The following CEP85L variants were observed in gnomAD, a reference collection of about 807,000 sequenced individuals.
The protein encoded by CEP85L is centrosomal protein of 85 kDa-like.
CEP85L carries 60 observed loss-of-function variants against 100.3 expected under a neutral mutation model. The observed-to-expected ratio is 0.60, with a 90% confidence interval of 0.49 to 0.74. The LOEUF (loss-of-function observed/expected upper bound fraction) is 0.74, where lower values mean the gene tolerates loss of function less well. Ranked by LOEUF, CEP85L falls within the 30% of genes least tolerant of loss-of-function variation. CEP85L has a pLI of 0.00. For missense variants in CEP85L, 973 were observed against 936.2 expected (o/e 1.04, Z -0.51); for synonymous variants, 319 against 322.7 (o/e 0.99, Z 0.12).
chr6:118,670,182 CT>C (rs1462059096), intron 1 of CEP85L, among the ~76,000 whole-genome samples: 1 of 150,238 alleles, frequency 6.7e-6, no homozygotes, highest in East Asian at 1.9e-4. Context: ...GTGTGACTTG[CT>C]TTGACTGAAG....
chr6:118,613,968 G>A (rs1195380235), intron 2 of CEP85L, among the ~76,000 whole-genome samples: 2 of 151,908 alleles, frequency 1.3e-5, no homozygotes, highest in African/African-American at 2.4e-5. Flanking sequence ...ATCGATACAC[G>A]AAAACAATCC....
intron 6 of CEP85L, among the ~76,000 whole-genome samples, chr6:118,486,688 T>G (rs184381549): frequency 4.6e-3 from 700 of 152,182 alleles, no homozygotes; most frequent in Non-Finnish European, 7.3e-3. Context: ...ATCTATCCCC[T>G]CTCCTCAAAT....
chr6:118,654,280 C>T (rs890705668), upstream of CEP85L, among the ~76,000 whole-genome samples: 3 of 151,610 alleles, frequency 2.0e-5, no homozygotes, highest in African/African-American at 7.3e-5. Flanking sequence ...AACCCTGCCT[C>T]TAAAAAATAA....
intron 2 of CEP85L, among the ~76,000 whole-genome samples, chr6:118,630,616 C>T (rs1200058343): frequency 6.6e-6 from 1 of 152,194 alleles, no homozygotes; most frequent in Non-Finnish European, 1.5e-5. Context: ...AGCAAATGAG[C>T]CATCAAGCCA....
At position 118,555,983 on chromosome 6, in the gene CEP85L, A is replaced by C. The variant is rs558104959; in HGVS notation, c.1020+9546T>G. ...ATGTTCCCGCAAAAGACATGATATC[A>C]TTCTTTTTTATGGCTGCATAGTATT... On this transcript the variant is annotated intron_variant, in intron 3 of 12. Transcript: ENST00000368491. 6.6e-5 allele frequency among the ~76,000 whole-genome samples: 10 copies of C among 152,308 alleles called. No individual in the cohort carries two copies. The South Asian group carries it at 1.0e-3, about 16-fold the overall frequency.
At chr6:118,512,262 T>A (rs1360571831) in intron 4 of CEP85L, among the ~76,000 whole-genome samples, 2 of 152,138 alleles carry the variant, frequency 1.3e-5, no homozygotes, top group Non-Finnish European at 2.9e-5. Context: ...CCAAGGCAGC[T>A]GTAGTTAGTT....
At chr6:118,614,125 A>G (rs1023805428) in intron 2 of CEP85L, among the ~76,000 whole-genome samples, 2 of 152,232 alleles carry the variant, frequency 1.3e-5, no homozygotes, top group Non-Finnish European at 2.9e-5. Context: ...ACTAAAGAAG[A>G]AAATCATAAA....
At chr6:118,513,824 G>GA (rs887584581) in intron 4 of CEP85L, among the ~76,000 whole-genome samples, 2 of 151,864 alleles carry the variant, frequency 1.3e-5, no homozygotes, top group Non-Finnish European at 2.9e-5. Flanking sequence ...ACAAAAGAAA[G>GA]AAGAATACCA....
At chr6:118,579,409 T>C (rs2115066132) in intron 2 of CEP85L, among the ~76,000 whole-genome samples, 1 of 151,870 alleles carries the variant, frequency 6.6e-6, no homozygotes, top group East Asian at 1.9e-4. Context: ...CAAAAAAAAT[T>C]AGAATTTTTT....
chr6:118,678,201 A>G (rs1013251035), intron 1 of CEP85L, among the ~76,000 whole-genome samples: 4 of 152,232 alleles, frequency 2.6e-5, no homozygotes, highest in Admixed American at 6.5e-5. Context: ...TCCAGCCCCA[A>G]TAAAGGTTGC....
intron 4 of CEP85L, 127 bp downstream of exon 4, chr6:118,523,675 A>G: frequency 2.1e-6 from 1 of 485,070 alleles, no homozygotes. Flanking sequence ...GGAGGGGCAG[A>G]GATGTGACAT....
chr6:118,682,014 G>A (rs1036550851), intron 1 of CEP85L, among the ~76,000 whole-genome samples: 1 of 152,146 alleles, frequency 6.6e-6, no homozygotes, highest in Non-Finnish European at 1.5e-5. Flanking sequence ...TTACAGGCGT[G>A]AGCCTGGGAT....
At chr6:118,514,643 G>A (rs1466410778) in intron 4 of CEP85L, among the ~76,000 whole-genome samples, 4 of 151,816 alleles carry the variant, frequency 2.6e-5, no homozygotes, top group Non-Finnish European at 5.9e-5. Flanking sequence ...GACATTGGCA[G>A]AATGGATAAA....
At chr6:118,594,022 G>A (rs1327949082) in intron 2 of CEP85L, among the ~76,000 whole-genome samples, 1 of 152,074 alleles carries the variant, frequency 6.6e-6, no homozygotes, top group Non-Finnish European at 1.5e-5. Context: ...CTGGACTTCT[G>A]TATGTCCCTC....
intron 10 of CEP85L, among the ~76,000 whole-genome samples, chr6:118,476,183 T>C (rs1253332230): frequency 6.6e-6 from 1 of 152,126 alleles, no homozygotes; most frequent in Middle Eastern, 3.2e-3. Context: ...TTACACATTT[T>C]TTGACATATC....
At chr6:118,551,128 A>G (rs895069854) in intron 3 of CEP85L, among the ~76,000 whole-genome samples, 13 of 151,942 alleles carry the variant, frequency 8.6e-5, no homozygotes, top group African/African-American at 3.1e-4. Flanking sequence ...TCACATTTCG[A>G]TACTTTATTC....
Position 118,523,803 on chromosome 6 carries a change from G to A in CEP85L, c.1138C>T (p.Arg380Trp), listed in dbSNP as rs370678629. The A allele has an allele frequency of 3.2e-5, 45 of 1,414,776 alleles. No individual in the cohort carries two copies. In the Admixed American group the frequency reaches 3.3e-4, roughly 10 times the overall value. 87.6% of individuals were successfully genotyped at this position (1,414,776 alleles called of 1,614,324 possible). A position where few individuals can be genotyped will look rare whatever the true frequency, so the allele number is the denominator to read the frequency against. Residue 380 changes from arginine (R) to tryptophan (W), a missense_variant and splice_region_variant, in exon 4 of 13, where the codon CGG (arginine) becomes TGG (tryptophan). Transcript: ENST00000368491. ...LLRQKEIVID[R>W]QKQQITHLHE... is the part of the protein sequence containing the mutation. The stretch of plus-strand genomic sequence containing the variant: ...TTTAATAATTTAAAATAGACTCACC[G>A]ATCGATTACAATTTCTTTCTGCCTT...
In CEP85L at chr6:118,491,900, A is replaced by T. The variant is rs761715546; in HGVS notation, c.1258-35T>A. 6 of 1,522,516 alleles carry T rather than the reference A, an allele frequency of 3.9e-6. No homozygotes were observed. The South Asian group carries it at 7.5e-5, about 19-fold the overall frequency. 94.3% of individuals were successfully genotyped at this position (1,522,516 alleles called of 1,614,324 possible). A position where few individuals can be genotyped will look rare whatever the true frequency, so the allele number is the denominator to read the frequency against. On this transcript the variant is annotated intron_variant, in intron 5 of 12. Coordinates refer to ENST00000368491, the MANE Select transcript of CEP85L (RefSeq NM_001042475.3). ...AAGAAAAAAAGGAGGTAAGACTTTAAAAGTTTGTCTTGAACAAATGTGAAG... is the reference window on the plus strand; with the variant it reads ...AAGAAAAAAAGGAGGTAAGACTTTATAAGTTTGTCTTGAACAAATGTGAAG...
intron 2 of CEP85L, among the ~76,000 whole-genome samples, chr6:118,608,766 T>C (rs1029888762): frequency 1.3e-5 from 2 of 152,204 alleles, no homozygotes; most frequent in African/African-American, 2.4e-5. Context: ...TATAAACATG[T>C]ATGTATGTAT....
Sources: gnomAD v4.1 joint callset for allele counts (sites outside exome capture counted in the v4.1 genomes callset) on GRCh38, gnomAD v4.1.1 for gene constraint, MANE v1.5 for transcripts, NCBI Gene and HGNC (gene_info 2026-07-23, HGNC 2026-07-21) for gene names.